Variants in LITAF observed in about 807,000 individuals in gnomAD.
The protein encoded by LITAF is lipopolysaccharide induced TNF factor, also known as lipopolysaccharide-induced tumor necrosis factor-alpha factor.
LITAF carries 9 observed loss-of-function variants against 14.5 expected under a neutral mutation model. The observed-to-expected ratio is 0.62, with a 90% CI of 0.37 to 1.08. The LOEUF is 1.08. LITAF is among the 50% of genes least tolerant of loss of function. The pLI, the probability that LITAF is intolerant of heterozygous loss-of-function variation, is 0.01. For synonymous variants in LITAF, 98 were observed against 88.2 expected, an observed-to-expected ratio of 1.11 and a Z score of -0.62; for missense variants, 206 against 213.4, an observed-to-expected ratio of 0.97 and a Z score of 0.22.
intron 3 of LITAF, among the ~76,000 whole-genome samples, chr16:11,620,167 CAAAAA>C: frequency 1.5e-5 from 1 of 67,364 alleles, no homozygotes; most frequent in African/African-American, 5.1e-5. Flanking sequence ...GAGTCCGTCT[CAAAAA>C]AAAAAAAAAA....
chr16:11,574,018 T>TTG (rs1555469426), intron 1 of LITAF, among the ~76,000 whole-genome samples: 2,675 of 148,340 alleles, frequency 0.018, 88 homozygotes, highest in African/African-American at 0.062. Context: ...TGGTTTTTTT[T>TTG]TTGTTGTTGT....
chr16:11,568,817 C>G (rs1464751453), intron 1 of LITAF, among the ~76,000 whole-genome samples: 1 of 151,870 alleles, frequency 6.6e-6, no homozygotes, highest in African/African-American at 2.4e-5. Context: ...GTAGCTGGGA[C>G]TACAGGCATG....
At chr16:11,570,028 T>G (rs2064517542) in intron 1 of LITAF, among the ~76,000 whole-genome samples, 1 of 116,296 alleles carries the variant, frequency 8.6e-6, no homozygotes, top group African/African-American at 3.9e-5. Flanking sequence ...AGACTTTGCC[T>G]CAAAAAAAAA....
At chr16:11,596,851 G>C (rs926474330) in intron 1 of LITAF, among the ~76,000 whole-genome samples, 17 of 151,710 alleles carry the variant, frequency 1.1e-4, no homozygotes, top group African/African-American at 4.1e-4. Flanking sequence ...GGAGGAGGAA[G>C]ACAGTGATGG....
chr16:11,565,637 G>C (rs1009297855), intron 1 of LITAF, among the ~76,000 whole-genome samples: 1 of 151,866 alleles, frequency 6.6e-6, no homozygotes, highest in Admixed American at 6.6e-5. Flanking sequence ...TGACTAGCGC[G>C]ACTCCCTGCT....
upstream of LITAF, among the ~76,000 whole-genome samples, chr16:11,638,435 G>A (rs180705686): frequency 2.7e-3 from 418 of 152,012 alleles, no homozygotes; most frequent in Middle Eastern, 0.017. Flanking sequence ...GGGTATGGTG[G>A]CTCACGCCTA....
chr16:11,564,245 A>G (rs1432279831), intron 1 of LITAF, among the ~76,000 whole-genome samples: 1 of 151,972 alleles, frequency 6.6e-6, no homozygotes, highest in Non-Finnish European at 1.5e-5. Context: ...AAAACCCAGG[A>G]ACCCGCAGGG....
upstream of LITAF, among the ~76,000 whole-genome samples, chr16:11,637,938 C>T (rs1180042623): frequency 1.3e-5 from 1 of 74,788 alleles, no homozygotes; most frequent in Non-Finnish European, 2.3e-5. Flanking sequence ...ATATCTATAT[C>T]TATATATCTA....
chr16:11,623,469 G>A (rs925075447), intron 3 of LITAF, among the ~76,000 whole-genome samples: 4 of 151,246 alleles, frequency 2.6e-5, no homozygotes, highest in African/African-American at 7.3e-5. Flanking sequence ...AAACCAGCCC[G>A]GCCAGCATGG....
At chr16:11,578,021 G>T (rs759960467) in intron 1 of LITAF, among the ~76,000 whole-genome samples, 17 of 152,020 alleles carry the variant, frequency 1.1e-4, no homozygotes, top group Non-Finnish European at 2.2e-4. Flanking sequence ...TCAGCCTCCT[G>T]AGTAGCTGGG....
chr16:11,625,299 G>C (rs1291692377), intron 3 of LITAF, among the ~76,000 whole-genome samples: 1 of 144,874 alleles, frequency 6.9e-6, no homozygotes, highest in Non-Finnish European at 1.5e-5. Context: ...GTCTCGCTCT[G>C]TCACCCAGGC....
At chr16:11,612,109 G>A (rs2064985971) in intron 3 of LITAF, among the ~76,000 whole-genome samples, 1 of 152,334 alleles carries the variant, frequency 6.6e-6, no homozygotes, top group African/African-American at 2.4e-5. Context: ...TTATGTGGGT[G>A]CCCACACAGC....
intron 3 of LITAF, among the ~76,000 whole-genome samples, chr16:11,626,177 A>G (rs1457566811): frequency 6.6e-6 from 1 of 152,130 alleles, no homozygotes; most frequent in Admixed American, 6.6e-5. Flanking sequence ...AAAAAAACAA[A>G]ACGAACAAAA....
At chr16:11,617,256 C>G (rs188605703) in intron 3 of LITAF, among the ~76,000 whole-genome samples, 46 of 152,018 alleles carry the variant, frequency 3.0e-4, no homozygotes, top group Non-Finnish European at 5.9e-4. Flanking sequence ...AAGATGCCAG[C>G]ACATTGCTAA....
At chr16:11,608,925 G>C (rs961569768) in intron 3 of LITAF, among the ~76,000 whole-genome samples, 3 of 151,826 alleles carry the variant, frequency 2.0e-5, no homozygotes, top group Non-Finnish European at 2.9e-5. Flanking sequence ...CTCCAGCCTG[G>C]GTGACAGAGT....
chr16:11,577,096 G>A lies in LITAF; in HGVS notation c.-6+9790C>T, dbSNP rs145646669. Among the ~76,000 whole-genome samples the A allele has an allele frequency of 2.1e-3, 315 of 152,208 alleles. No individual in the cohort carries two copies. The Middle Eastern group carries it at 0.024, about 12-fold the overall frequency. On this transcript the variant is annotated intron_variant, in intron 1 of 3. Coordinates refer to ENST00000622633, the MANE Select transcript of LITAF (RefSeq NM_001136472.2). Reference sequence around the variant, plus strand: ...TCCTCCTGCATCCTAATTGCTTCCTGTCTGCAAGTTAGCTTCTATTAATAT... The same window carrying A: ...TCCTCCTGCATCCTAATTGCTTCCTATCTGCAAGTTAGCTTCTATTAATAT...
chr16:11,618,697 C>G (rs187732227), intron 3 of LITAF, among the ~76,000 whole-genome samples: 1 of 152,086 alleles, frequency 6.6e-6, no homozygotes, highest in Non-Finnish European at 1.5e-5. Flanking sequence ...TAAAAACCCC[C>G]GCACTGGCCG....
At chr16:11,551,244 G>C (rs1382519536) in intron 3 of LITAF, among the ~76,000 whole-genome samples, 2 of 152,128 alleles carry the variant, frequency 1.3e-5, no homozygotes, top group Non-Finnish European at 2.9e-5. Context: ...GCTCAAATAA[G>C]GGCAGTCAAT....
chr16:11,587,509 T>C, upstream of LITAF: 1 of 452,442 alleles, frequency 2.2e-6, no homozygotes, highest in South Asian at 1.6e-5. Context: ...ACAATAGCGG[T>C]CCTGTCTCCT....
Sources: allele counts gnomAD v4.1 joint callset (sites outside exome capture counted in the v4.1 genomes callset), GRCh38; gene constraint gnomAD v4.1.1; transcripts MANE v1.5; gene names NCBI Gene and HGNC (gene_info 2026-07-23, HGNC 2026-07-21).